SYTL2: variants seen among roughly 807,000 people sequenced by gnomAD.
The protein encoded by SYTL2 is synaptotagmin-like protein 2.
In SYTL2, 165 loss-of-function variants were observed where a neutral mutation model predicts 198.7. The ratio of observed to expected loss-of-function variants is 0.83; its 90% confidence interval spans 0.73 to 0.94. SYTL2 has a LOEUF of 0.94. Among genes scored for constraint, SYTL2 ranks in the 40% least tolerant of loss-of-function variants. SYTL2 has a pLI of 0.00. For synonymous variants in SYTL2, 966 were observed against 917.7 expected (o/e 1.05, Z -0.95); for missense variants, 2,835 against 2,582.8 (o/e 1.10, Z -2.12).
intron 1 of SYTL2, among the ~76,000 whole-genome samples, chr11:85,793,506 T>C (rs1381619259): frequency 1.3e-5 from 2 of 152,260 alleles, no homozygotes; most frequent in East Asian, 3.8e-4. Flanking sequence ...TGAACAGTTT[T>C]CTTTTTCCTG....
At chr11:85,810,111 C>T (rs2093011462) in intron 1 of SYTL2, among the ~76,000 whole-genome samples, 1 of 152,174 alleles carries the variant, frequency 6.6e-6, no homozygotes, top group Non-Finnish European at 1.5e-5. Flanking sequence ...TCTGCACATC[C>T]CTGCCGGGCT....
the SYTL2 span, among the ~76,000 whole-genome samples, chr11:85,838,388 T>G: frequency 1.4e-3 from 209 of 152,276 alleles, 5 homozygotes; most frequent in East Asian, 0.039. Context: ...CATAGGTGTA[T>G]GTATTAGGAC....
the SYTL2 span, chr11:85,853,345 TG>T: frequency 2.2e-6 from 1 of 445,202 alleles, no homozygotes; most frequent in Non-Finnish European, 4.5e-6. Context: ...GGGATGCTGT[TG>T]ATCTATGACC....
intron 4 of SYTL2, among the ~76,000 whole-genome samples, chr11:85,739,253 C>A (rs1439140376): frequency 1.6e-5 from 2 of 124,472 alleles, no homozygotes; most frequent in Admixed American, 8.3e-5. Context: ...AGGAGGCTGG[C>A]TTTTTTTTTT....
chr11:85,728,369 C>G (rs889532562), intron 7 of SYTL2, among the ~76,000 whole-genome samples: 34 of 152,222 alleles, frequency 2.2e-4, no homozygotes, highest in African/African-American at 8.2e-4. Flanking sequence ...TCACTGCAAC[C>G]TCCGCCTCCC....
At chr11:85,742,472 G>A (rs1377571442) in intron 4 of SYTL2, among the ~76,000 whole-genome samples, 1 of 152,156 alleles carries the variant, frequency 6.6e-6, no homozygotes, top group African/African-American at 2.4e-5. Flanking sequence ...ATATTCAAGA[G>A]TTATTTTCTG....
intron 7 of SYTL2, among the ~76,000 whole-genome samples, chr11:85,730,535 A>G (rs1255068826): frequency 6.6e-6 from 1 of 152,224 alleles, no homozygotes; most frequent in African/African-American, 2.4e-5. Flanking sequence ...CTTCGAAAAA[A>G]TTCAACAGCC....
Position 85,725,652 on chromosome 11 carries a change from T to C in SYTL2, c.3706A>G (p.Ile1236Val), listed in dbSNP as rs1212993904. The change falls in exon 8 of 20, where the codon ATC becomes GTC. Residue 1236 changes from isoleucine to valine, a missense_variant. By Grantham distance (29) the Ile-to-Val change is conservative. Coordinates refer to ENST00000359152, the MANE Select transcript of SYTL2 (RefSeq NM_206927.4). ...SPLQAKLAPV[I>V]TGTNSKLEEG... is the part of the protein sequence containing the mutation. ...TCCAGCTTAGAGTTGGTTCCAGTGA[T>C]AACAGGCGCCAACTTGGCTTGCAAG... is the stretch of plus-strand genomic sequence containing the variant. The C allele has an allele frequency of 2.5e-5, 40 of 1,614,014 alleles. No individual in the cohort carries two copies. Among genetic ancestry groups the C allele is most frequent in the Non-Finnish European group, 3.1e-5 (37 of 1,180,028 alleles).
chr11:85,854,511 G>C, the SYTL2 span: 1 of 152,066 alleles, frequency 6.6e-6, no homozygotes, highest in Non-Finnish European at 1.5e-5. Flanking sequence ...AACAAAAAAG[G>C]AAAGCGAGAA....
At position 85,748,307 on chromosome 11, in the gene SYTL2, C is replaced by G. The variant is rs2091296608; in HGVS notation, c.218G>C (p.Arg73Thr). Residue 73 changes from arginine (R) to threonine (T), a missense_variant, in exon 3 of 20, where the codon AGA becomes ACA. Arg to Thr is a moderately conservative substitution (Grantham distance 71, BLOSUM62 -1). This residue lies in a region of SYTL2 where 2,645 missense variants were observed against 2,381.7 expected (regional missense o/e 1.11). Coordinates refer to ENST00000359152, the MANE Select transcript of SYTL2 (RefSeq NM_206927.4). ...GGGCCTCTTCTTTCTCATAGATGCT[C>G]TGATGATATCTGCGCCATGGATTTT... The part of the protein sequence containing the change: ...RDKIHGADII[R>T]ASMRKKRPQI... The G allele has an allele frequency of 6.2e-7, 1 of 1,613,912 alleles. No individual in the cohort carries two copies. Among genetic ancestry groups the G allele is most frequent in the East Asian group, 2.2e-5 (1 of 44,886 alleles).
chr11:85,730,437 A>C (rs11827081), intron 7 of SYTL2, among the ~76,000 whole-genome samples: 1 of 152,158 alleles, frequency 6.6e-6, no homozygotes, highest in African/African-American at 2.4e-5. Context: ...GGCTGGTGCA[A>C]CATATGCAAA....
At position 85,726,017 on chromosome 11, in the gene SYTL2, A is replaced by C; in HGVS notation, c.3341T>G (p.Ile1114Ser). The change falls in exon 8 of 20, where the codon ATT (isoleucine) becomes AGT (serine). Residue 1114 changes from isoleucine to serine, a missense_variant. Ile to Ser is a moderately radical substitution (Grantham distance 142). Coordinates refer to ENST00000359152, the MANE Select transcript of SYTL2 (RefSeq NM_206927.4). Reference sequence around the variant, plus strand: ...ATTGGTTTTTATTATGGATTCTTGAATCTCTTGTTCTGAGTAATCCTTTTC... The same window carrying C: ...ATTGGTTTTTATTATGGATTCTTGACTCTCTTGTTCTGAGTAATCCTTTTC... The part of the protein sequence containing the change: ...KEEKDYSEQE[I>S]QESIIKTNVL... The C allele has an allele frequency of 4.3e-6, 7 of 1,613,514 alleles. No homozygotes were observed. The highest frequency in any genetic ancestry group is 5.9e-6 in the Non-Finnish European group (7 of 1,179,834).
the SYTL2 span, chr11:85,853,352 T>C: frequency 1.5e-4 from 67 of 444,370 alleles, no homozygotes; most frequent in South Asian, 1.1e-3. Flanking sequence ...TGTTGATCTA[T>C]GACCTTGCCC....
intron 1 of SYTL2, among the ~76,000 whole-genome samples, chr11:85,771,513 G>A (rs554925560): frequency 2.6e-4 from 40 of 152,286 alleles, no homozygotes; most frequent in Non-Finnish European, 4.7e-4. Context: ...CAAAGCTCAC[G>A]TTTATTCCAT....
intron 8 of SYTL2, among the ~76,000 whole-genome samples, chr11:85,722,891 AAG>A (rs1254380504): frequency 6.6e-6 from 1 of 152,158 alleles, no homozygotes; most frequent in Non-Finnish European, 1.5e-5. Flanking sequence ...AGTGTTCAAG[AAG>A]AGACCCTATA....
Position 85,726,895 on chromosome 11 carries a change from T to C in SYTL2, c.2463A>G (p.Gln821=), listed in dbSNP as rs935652102. 1.3e-6 allele frequency: 2 copies of C among 1,536,486 alleles called. No individual in the cohort carries two copies. The highest frequency in any genetic ancestry group is 1.7e-6 in the Non-Finnish European group (2 of 1,146,984). The change falls in exon 8 of 20, where the codon CAA becomes CAG. Residue 821 remains glutamine, a synonymous_variant. Coordinates refer to ENST00000359152, the MANE Select transcript of SYTL2 (RefSeq NM_206927.4). ...CAGGCTGATATGCTTTAGCAGAAGG[T>C]TGTTCCTGGCTACATGAAGATGTGG... The part of the protein sequence containing the change: ...EKPTSSCSQE[Q]PSAKAYQPVK...
intron 7 of SYTL2, 183 bp from the exon 8 acceptor site, chr11:85,728,150 T>C (rs1406925260): frequency 8.7e-6 from 5 of 573,390 alleles, no homozygotes; most frequent in African/African-American, 3.8e-5. Context: ...CTACCAAAGG[T>C]GCCCTATGAC....
chr11:85,851,303 A>C, the SYTL2 span, among the ~76,000 whole-genome samples: 5 of 152,250 alleles, frequency 3.3e-5, no homozygotes, highest in Non-Finnish European at 7.3e-5. Context: ...CTATTTCTCA[A>C]AAGTAACTGC....
At chr11:85,748,895 T>C (rs2091335247) in intron 2 of SYTL2, among the ~76,000 whole-genome samples, 1 of 152,184 alleles carries the variant, frequency 6.6e-6, no homozygotes. Flanking sequence ...TAATAAACAC[T>C]GGATGGGGTA....
Sources: allele counts gnomAD v4.1 joint callset (sites outside exome capture counted in the v4.1 genomes callset), GRCh38; gene constraint gnomAD v4.1.1; regional missense constraint gnomAD v4.1.1; transcripts MANE v1.5; gene names NCBI Gene and HGNC (gene_info 2026-07-23, HGNC 2026-07-21).